Variants in MAGI2 observed in about 807,000 individuals in gnomAD.
The protein encoded by MAGI2 is membrane associated guanylate kinase, WW and PDZ domain containing 2, also known as membrane-associated guanylate kinase, WW and PDZ domain-containing protein 2.
In MAGI2, 35 loss-of-function variants were observed where a neutral mutation model predicts 133.3. That is an observed-to-expected ratio of 0.26 (90% CI 0.20 to 0.35). MAGI2 has a LOEUF of 0.35. Among genes scored for constraint, MAGI2 ranks in the 10% least tolerant of loss-of-function variants. The probability of loss-of-function intolerance (pLI) is 1.00; values close to 1 mark genes in which losing one functional copy is unlikely to be tolerated. For missense variants in MAGI2, 1,636 were observed against 1,863.4 expected, an observed-to-expected ratio of 0.88 and a Z score of 2.25; for synonymous variants, 729 against 710.6, an observed-to-expected ratio of 1.03 and a Z score of -0.41.
chr7:78,628,890 A>C (rs1473513463), intron 2 of MAGI2, among the ~76,000 whole-genome samples: 1 of 151,356 alleles, frequency 6.6e-6, no homozygotes, highest in East Asian at 1.9e-4. Flanking sequence ...TTTGGCAATC[A>C]ATTTGTTTTT....
chr7:79,452,128 G>GC (rs956991323), intron 1 of MAGI2, among the ~76,000 whole-genome samples: 1 of 151,782 alleles, frequency 6.6e-6, no homozygotes, highest in African/African-American at 2.4e-5. Flanking sequence ...CCCAAAACAC[G>GC]CCCCCCAAAT....
chr7:78,562,360 G>A (rs1180151589), intron 3 of MAGI2, among the ~76,000 whole-genome samples: 2 of 152,188 alleles, frequency 1.3e-5, no homozygotes, highest in African/African-American at 2.4e-5. Flanking sequence ...GTAGTAGAAA[G>A]GAAATGGTTT....
At chr7:78,338,993 A>AAACAAAC (rs1790070434) in intron 9 of MAGI2, among the ~76,000 whole-genome samples, 1 of 146,578 alleles carries the variant, frequency 6.8e-6, no homozygotes, top group African/African-American at 2.7e-5. Context: ...GAAAACAAAC[A>AAACAAAC]AACAAACAAA....
intron 2 of MAGI2, among the ~76,000 whole-genome samples, 170 bp from the exon 3 acceptor site, chr7:78,627,409 A>G (rs1808486491): frequency 6.6e-6 from 1 of 152,220 alleles, no homozygotes; most frequent in Admixed American, 6.5e-5. Flanking sequence ...AGCAGGGGGT[A>G]AAGATTAAAG....
At chr7:79,321,817 T>C (rs1225876897) in intron 1 of MAGI2, among the ~76,000 whole-genome samples, 3 of 152,186 alleles carry the variant, frequency 2.0e-5, no homozygotes, top group Admixed American at 1.3e-4. Flanking sequence ...GCCAGTGGAC[T>C]AGGCAATGAC....
intron 4 of MAGI2, among the ~76,000 whole-genome samples, chr7:78,521,027 A>T (rs1456522620): frequency 6.6e-6 from 1 of 152,174 alleles, no homozygotes; most frequent in African/African-American, 2.4e-5. Context: ...GATTTCGAAG[A>T]ATAGATTTTC....
At chr7:79,332,449 T>C (rs1048581947) in intron 1 of MAGI2, among the ~76,000 whole-genome samples, 2 of 152,204 alleles carry the variant, frequency 1.3e-5, no homozygotes, top group Admixed American at 6.5e-5. Flanking sequence ...AATTCTTCAA[T>C]AGTTTTGTGG....
At chr7:78,744,850 G>C (rs1822773647) in intron 2 of MAGI2, among the ~76,000 whole-genome samples, 1 of 152,134 alleles carries the variant, frequency 6.6e-6, no homozygotes, top group Non-Finnish European at 1.5e-5. Flanking sequence ...AGTGCTTCCG[G>C]ATAGGAACTA....
chr7:78,643,355 G>A (rs1231642459), intron 2 of MAGI2, among the ~76,000 whole-genome samples: 1 of 152,086 alleles, frequency 6.6e-6, no homozygotes, highest in Non-Finnish European at 1.5e-5. Context: ...AGTGCTCTGA[G>A]CAGATGAAAA....
In MAGI2 at chr7:78,220,034, A is replaced by G. The variant is rs568121092; in HGVS notation, c.2048-18841T>C. Among the ~76,000 whole-genome samples the G allele has an allele frequency of 2.6e-5, 4 of 152,056 alleles. No homozygotes were observed. The East Asian group carries it at 5.8e-4, about 22-fold the overall frequency. ...CCTATTTGCTGCAGAATGGAGTCCA[A>G]ACTCCTTATTATACAACCTACTCCA... On this transcript the variant is annotated intron_variant, in intron 10 of 21. Transcript: ENST00000354212.
chr7:78,898,577 C>T, intron 2 of MAGI2, among the ~76,000 whole-genome samples: 1 of 152,128 alleles, frequency 6.6e-6, no homozygotes, highest in Non-Finnish European at 1.5e-5. Context: ...ACTGCATATT[C>T]TCACTTATAA....
intron 3 of MAGI2, among the ~76,000 whole-genome samples, chr7:78,598,382 G>A (rs779423774): frequency 6.6e-6 from 1 of 152,000 alleles, no homozygotes; most frequent in Non-Finnish European, 1.5e-5. Context: ...TGTAAGAGAG[G>A]AGTCCAGGAA....
intron 2 of MAGI2, among the ~76,000 whole-genome samples, chr7:78,825,870 T>C (rs1790582225): frequency 6.6e-6 from 1 of 152,240 alleles, no homozygotes. Flanking sequence ...TGAAAATTTA[T>C]ATCCACACAA....
chr7:78,307,818 T>C lies in MAGI2; in HGVS notation c.1408+35960A>G, dbSNP rs189993412. Reference sequence around the variant, plus strand: ...TATATATGATTAAAATTTTCCAGAATAAAAACTTCTAAAAAATCGTTTCAG... The same window carrying C: ...TATATATGATTAAAATTTTCCAGAACAAAAACTTCTAAAAAATCGTTTCAG... On this transcript the variant is annotated intron_variant, in intron 9 of 21. Transcript: ENST00000354212. Among the ~76,000 whole-genome samples the C allele has an allele frequency of 3.5e-3, 526 of 152,280 alleles. 6 individuals are homozygous for C. The highest frequency in any genetic ancestry group is 0.012 in the African/African-American group (502 of 41,562).
chr7:79,044,245 C>G (rs1811962559), intron 1 of MAGI2, among the ~76,000 whole-genome samples: 1 of 152,164 alleles, frequency 6.6e-6, no homozygotes, highest in Admixed American at 6.5e-5. Flanking sequence ...ATCAAGTGGG[C>G]TTCATTCCTG....
intron 1 of MAGI2, among the ~76,000 whole-genome samples, chr7:79,186,399 T>G (rs773320498): frequency 6.7e-6 from 1 of 149,272 alleles, no homozygotes; most frequent in Admixed American, 6.7e-5. Context: ...TGAAAGAAAA[T>G]AGAAAACATC....
chr7:79,208,444 C>G (rs1396310700), intron 1 of MAGI2, among the ~76,000 whole-genome samples: 5 of 151,870 alleles, frequency 3.3e-5, no homozygotes, highest in African/African-American at 9.7e-5. Flanking sequence ...AAAAAATGCT[C>G]AACATTACTC....
intron 2 of MAGI2, among the ~76,000 whole-genome samples, chr7:78,689,375 CTATAAG>C (rs1816709215): frequency 6.6e-6 from 1 of 152,020 alleles, no homozygotes; most frequent in Non-Finnish European, 1.5e-5. Flanking sequence ...ATTCCATATT[CTATAAG>C]CTGATATTAT....
At chr7:79,364,649 T>C (rs2129126404) in intron 1 of MAGI2, among the ~76,000 whole-genome samples, 1 of 152,196 alleles carries the variant, frequency 6.6e-6, no homozygotes, top group South Asian at 2.1e-4. Context: ...CACAATCATA[T>C]TCAACTGATT....
Sources: gnomAD v4.1 joint callset for allele counts (sites outside exome capture counted in the v4.1 genomes callset) on GRCh38, gnomAD v4.1.1 for gene constraint, MANE v1.5 for transcripts, NCBI Gene and HGNC (gene_info 2026-07-23, HGNC 2026-07-21) for gene names.